The following COL5A2 variants were observed in gnomAD, a reference collection of about 807,000 sequenced individuals.
COL5A2 encodes collagen alpha-2(V) chain.
Under a neutral mutation model 208.2 loss-of-function variants are expected in COL5A2, and 23 were observed. That is an observed-to-expected ratio of 0.11 (90% confidence interval 0.08 to 0.16). The LOEUF is 0.16. COL5A2 is among the 10% of genes least tolerant of loss of function. The pLI, the probability that COL5A2 is intolerant of heterozygous loss-of-function variation, is 1.00. For missense variants in COL5A2, 1,590 were observed against 1,956.4 expected (o/e 0.81, Z 3.53); for synonymous variants, 625 against 628.5 (o/e 0.99, Z 0.08).
At chr2:189,178,800 T>C (rs1385662007) in intron 1 of COL5A2, among the ~76,000 whole-genome samples, 3 of 151,742 alleles carry the variant, frequency 2.0e-5, no homozygotes, top group Admixed American at 6.6e-5. Flanking sequence ...ACATGCTGAT[T>C]TCCTGCCTTC....
intron 1 of COL5A2, among the ~76,000 whole-genome samples, chr2:189,130,554 G>C (rs1041205195): frequency 2.0e-5 from 3 of 151,936 alleles, no homozygotes; most frequent in African/African-American, 7.2e-5. Context: ...AAGGGATCTA[G>C]GACATAGTGG....
intron 1 of COL5A2, among the ~76,000 whole-genome samples, chr2:189,198,756 A>G (rs536270616): frequency 2.0e-5 from 3 of 152,174 alleles, no homozygotes; most frequent in African/African-American, 7.2e-5. Context: ...TGAGGGATAT[A>G]GTAAGGTAAT....
At chr2:189,336,926 C>T in the COL5A2 span, among the ~76,000 whole-genome samples, 5,541 of 152,262 alleles carry the variant, frequency 0.036, 114 homozygotes, top group Admixed American at 0.05. Flanking sequence ...TATCCAGACT[C>T]CACTAAATAT....
At chr2:189,244,767 T>G in the COL5A2 span, among the ~76,000 whole-genome samples, 1 of 152,206 alleles carries the variant, frequency 6.6e-6, no homozygotes, top group African/African-American at 2.4e-5. Context: ...TTGGGTATCT[T>G]TTCAGCAGCG....
the COL5A2 span, among the ~76,000 whole-genome samples, chr2:189,232,493 A>G: frequency 6.6e-6 from 1 of 151,682 alleles, no homozygotes; most frequent in African/African-American, 2.4e-5. Context: ...AGTTCCTACA[A>G]TAGGCCAGGC....
chr2:189,315,205 T>A, the COL5A2 span, among the ~76,000 whole-genome samples: 1 of 151,894 alleles, frequency 6.6e-6, no homozygotes, highest in South Asian at 2.1e-4. Flanking sequence ...TCCAGCAGCA[T>A]ATCAAAATAT....
chr2:189,412,671 TA>T, the COL5A2 span, among the ~76,000 whole-genome samples: 2 of 152,182 alleles, frequency 1.3e-5, no homozygotes, highest in Non-Finnish European at 2.9e-5. Flanking sequence ...ACTTGAAGAA[TA>T]CAAGATCTTC....
At chr2:189,091,389 T>G (rs749675493) in intron 7 of COL5A2, among the ~76,000 whole-genome samples, 2 of 152,206 alleles carry the variant, frequency 1.3e-5, no homozygotes, top group Non-Finnish European at 2.9e-5. Context: ...GATTTTGATA[T>G]GGCAAACTTC....
intron 7 of COL5A2, 43 bp from the exon 8 acceptor site, chr2:189,088,815 A>T: frequency 6.9e-7 from 1 of 1,444,682 alleles, no homozygotes; most frequent in Non-Finnish European, 9.8e-7. Flanking sequence ...AGTAAAAGAC[A>T]TACATCAACG....
At chr2:189,292,222 T>C in the COL5A2 span, among the ~76,000 whole-genome samples, 4 of 152,332 alleles carry the variant, frequency 2.6e-5, no homozygotes, top group East Asian at 3.9e-4. Context: ...AGCTTATTAA[T>C]TGATAATTTA....
the COL5A2 span, among the ~76,000 whole-genome samples, chr2:189,283,583 T>C: frequency 1.3e-5 from 2 of 151,830 alleles, no homozygotes; most frequent in South Asian, 4.2e-4. Context: ...GATGACTACA[T>C]GTAATGTGGT....
At chr2:189,092,812 T>C (rs988657465) in intron 6 of COL5A2, among the ~76,000 whole-genome samples, 2 of 152,226 alleles carry the variant, frequency 1.3e-5, no homozygotes, top group African/African-American at 4.8e-5. Context: ...TGGATTGTCA[T>C]TGGATTACAG....
chr2:189,236,002 T>TA, the COL5A2 span, among the ~76,000 whole-genome samples: 3,584 of 137,388 alleles, frequency 0.026, 109 homozygotes, highest in African/African-American at 0.074. Context: ...CATCCCCCAA[T>TA]AAAAAAAAAA....
the COL5A2 span, among the ~76,000 whole-genome samples, chr2:189,336,434 G>A: frequency 1.3e-5 from 2 of 152,090 alleles, no homozygotes; most frequent in Non-Finnish European, 1.5e-5. Context: ...GTATCTTAGT[G>A]CTCTTATTTA....
chr2:189,369,279 A>G, the COL5A2 span, among the ~76,000 whole-genome samples: 1 of 152,124 alleles, frequency 6.6e-6, no homozygotes, highest in South Asian at 2.1e-4. Flanking sequence ...TTTTTTTATT[A>G]ATATCACTAC....
intron 31 of COL5A2, among the ~76,000 whole-genome samples, chr2:189,059,500 G>A (rs751905597): frequency 1.3e-5 from 2 of 148,892 alleles, no homozygotes; most frequent in Non-Finnish European, 3.0e-5. Flanking sequence ...CTTATTCTCC[G>A]AAATGGACTG....
intron 1 of COL5A2, among the ~76,000 whole-genome samples, chr2:189,119,741 T>G (rs544036584): frequency 7.9e-5 from 12 of 152,206 alleles, no homozygotes; most frequent in Non-Finnish European, 1.5e-4. Context: ...AACTACAGAA[T>G]ACTTATTTCT....
At chr2:189,399,640 T>C in the COL5A2 span, among the ~76,000 whole-genome samples, 2 of 152,206 alleles carry the variant, frequency 1.3e-5, no homozygotes, top group Non-Finnish European at 2.9e-5. Context: ...CTTTGAGTTA[T>C]AGTTTCAATG....
chr2:189,420,866 A>G, the COL5A2 span, among the ~76,000 whole-genome samples: 1 of 152,148 alleles, frequency 6.6e-6, no homozygotes, highest in East Asian at 1.9e-4. Context: ...TCAATTAAGG[A>G]CATTTCTGTT....
Sources: allele counts gnomAD v4.1 joint callset (sites outside exome capture counted in the v4.1 genomes callset), GRCh38; gene constraint gnomAD v4.1.1; transcripts MANE v1.5; gene names NCBI Gene and HGNC (gene_info 2026-07-23, HGNC 2026-07-21).